RASSF3: variants seen among roughly 807,000 people sequenced by gnomAD.
RASSF3 encodes ras association domain-containing protein 3.
A neutral mutation model predicts 19.9 loss-of-function variants in RASSF3; 19 were observed. The ratio of observed to expected loss-of-function variants is 0.96; its 90% confidence interval spans 0.67 to 1.40. The LOEUF is 1.40. Ranked by LOEUF, RASSF3 falls within the 40% of genes most tolerant of loss-of-function variation. The probability of loss-of-function intolerance (pLI) is 0.00; values close to 1 mark genes in which losing one functional copy is unlikely to be tolerated. For missense variants in RASSF3, 306 were observed against 289.8 expected (o/e 1.06, Z -0.41); for synonymous variants, 110 against 104.2 (o/e 1.06, Z -0.34).
Position 64,631,963 on chromosome 12 carries a change from C to T in RASSF3, c.111+21220C>T, listed in dbSNP as rs183189401. On this transcript the variant is annotated intron_variant, in intron 1 of 4. Transcript: ENST00000542104. ...GAGGATCATTGAAAGAGATGCCTCC[C>T]TTCGCACTGGAAGGGATGATATTTG... 1.6e-4 allele frequency among the ~76,000 whole-genome samples: 25 copies of T among 152,266 alleles called. No homozygotes were observed. In the East Asian group the frequency reaches 4.2e-3, roughly 26 times the overall value.
chr12:64,611,146 T>G (rs925160673), intron 1 of RASSF3, among the ~76,000 whole-genome samples: 2 of 152,186 alleles, frequency 1.3e-5, no homozygotes, highest in African/African-American at 4.8e-5. Context: ...GTCAGCTTAC[T>G]CATCTGTGGC....
At chr12:64,623,503 T>C (rs902006244) in intron 1 of RASSF3, among the ~76,000 whole-genome samples, 1 of 152,218 alleles carries the variant, frequency 6.6e-6, no homozygotes, top group Non-Finnish European at 1.5e-5. Flanking sequence ...GTAAATATTA[T>C]GTAGATGGTA....
chr12:64,553,534 C>T (rs562494062), intron 2 of RASSF3, among the ~76,000 whole-genome samples: 33 of 152,308 alleles, frequency 2.2e-4, no homozygotes, highest in African/African-American at 7.5e-4. Flanking sequence ...GATGCACTGT[C>T]CAGGTCACAG....
At chr12:64,688,164 C>T in intron 2 of RASSF3, 52 bp from the exon 3 acceptor site, 1 of 1,295,210 alleles carries the variant, frequency 7.7e-7, no homozygotes, top group Non-Finnish European at 1.1e-6. Context: ...TGCTTCTTCC[C>T]TAAAGTGCCA....
chr12:64,547,931 T>G (rs1307674596), intron 2 of RASSF3, among the ~76,000 whole-genome samples: 2 of 152,214 alleles, frequency 1.3e-5, no homozygotes, highest in Non-Finnish European at 2.9e-5. Context: ...ATAATTGCCC[T>G]TAGTATTTTA....
At chr12:64,574,306 G>A (rs1242686181) in intron 2 of RASSF3, among the ~76,000 whole-genome samples, 3 of 146,018 alleles carry the variant, frequency 2.1e-5, no homozygotes, top group African/African-American at 7.7e-5. Flanking sequence ...GCGAGACTCT[G>A]TCTTAAAAAA....
chr12:64,627,152 A>C (rs1413638121), intron 1 of RASSF3, among the ~76,000 whole-genome samples: 1 of 152,194 alleles, frequency 6.6e-6, no homozygotes, highest in Non-Finnish European at 1.5e-5. Flanking sequence ...TTTAGAGACT[A>C]CTAAAAAATG....
chr12:64,648,828 TA>T (rs1386166068), intron 1 of RASSF3, among the ~76,000 whole-genome samples: 1 of 110,308 alleles, frequency 9.1e-6, no homozygotes, highest in Non-Finnish European at 1.9e-5. Flanking sequence ...TTTTTAGAGA[TA>T]GGGGCTCGAT....
At chr12:64,538,979 G>A (rs1868887528) in intron 1 of RASSF3, among the ~76,000 whole-genome samples, 1 of 152,124 alleles carries the variant, frequency 6.6e-6, no homozygotes. Flanking sequence ...CTGGGAGGTG[G>A]AGGTTGCAGT....
At chr12:64,602,711 T>C (rs1870115118) in intron 2 of RASSF3, among the ~76,000 whole-genome samples, 1 of 151,594 alleles carries the variant, frequency 6.6e-6, no homozygotes, top group African/African-American at 2.4e-5. Context: ...CATAGTGAGA[T>C]CCAATCTCTA....
At chr12:64,588,382 C>A (rs1412521453) in intron 2 of RASSF3, among the ~76,000 whole-genome samples, 1 of 152,054 alleles carries the variant, frequency 6.6e-6, no homozygotes, top group Non-Finnish European at 1.5e-5. Context: ...GGCATAGAAG[C>A]CTTTAAAATA....
At chr12:64,592,425 A>T (rs1264771425) in intron 2 of RASSF3, among the ~76,000 whole-genome samples, 1 of 152,176 alleles carries the variant, frequency 6.6e-6, no homozygotes, top group African/African-American at 2.4e-5. Flanking sequence ...ATAATGGTAC[A>T]GTCTTAACTT....
At chr12:64,543,426 C>T (rs2136116447), downstream of RASSF3, among the ~76,000 whole-genome samples, 1 of 35,078 alleles carries the variant, frequency 2.9e-5, no homozygotes, top group Non-Finnish European at 6.0e-5. Flanking sequence ...CCCCCGGCTC[C>T]CCGCCCGCCC....
chr12:64,517,807 T>C (rs902531358), intron 1 of RASSF3, among the ~76,000 whole-genome samples: 2 of 151,842 alleles, frequency 1.3e-5, no homozygotes, highest in African/African-American at 4.8e-5. Context: ...TTTGTAGAGA[T>C]GGGGTCTCAC....
chr12:64,577,340 C>T (rs1298947477), intron 2 of RASSF3, among the ~76,000 whole-genome samples: 1 of 152,198 alleles, frequency 6.6e-6, no homozygotes, highest in African/African-American at 2.4e-5. Flanking sequence ...CCATTTAGCG[C>T]TACAATGTTT....
intron 1 of RASSF3, among the ~76,000 whole-genome samples, chr12:64,521,916 G>A (rs1348724706): frequency 6.6e-6 from 1 of 152,190 alleles, no homozygotes; most frequent in East Asian, 1.9e-4. Context: ...AGAACCCTCT[G>A]GGGTCCCTTC....
At chr12:64,533,025 C>T (rs1308061924), upstream of RASSF3, among the ~76,000 whole-genome samples, 1 of 152,234 alleles carries the variant, frequency 6.6e-6, no homozygotes, top group Non-Finnish European at 1.5e-5. Context: ...GAGACGCTCC[C>T]TCAGCCTCTT....
At chr12:64,556,401 T>C (rs1244769112) in intron 2 of RASSF3, among the ~76,000 whole-genome samples, 1 of 152,032 alleles carries the variant, frequency 6.6e-6, no homozygotes, top group Admixed American at 6.6e-5. Flanking sequence ...CAAGAGATCC[T>C]CCCACCTTGG....
At chr12:64,633,437 G>T (rs1871229236) in intron 1 of RASSF3, among the ~76,000 whole-genome samples, 1 of 152,054 alleles carries the variant, frequency 6.6e-6, no homozygotes, top group Admixed American at 6.6e-5. Context: ...TGTTTAAAAA[G>T]AGCCTGGCAC....
Sources: allele counts gnomAD v4.1 joint callset (sites outside exome capture counted in the v4.1 genomes callset), GRCh38; gene constraint gnomAD v4.1.1; transcripts MANE v1.5; gene names NCBI Gene and HGNC (gene_info 2026-07-23, HGNC 2026-07-21).